The following MTUS1 variants were observed in gnomAD, a reference collection of about 807,000 sequenced individuals.
MTUS1 encodes the protein microtubule-associated tumor suppressor 1.
Under a neutral mutation model 120.8 loss-of-function variants are expected in MTUS1, and 109 were observed. That is an observed-to-expected ratio of 0.90 (90% CI 0.77 to 1.06). The LOEUF is 1.06. MTUS1 is among the 50% of genes least tolerant of loss of function. The pLI, the probability that MTUS1 is intolerant of heterozygous loss-of-function variation, is 0.00. For missense variants in MTUS1, 2,210 were observed against 1,486.3 expected (o/e 1.49, Z -8.01); for synonymous variants, 737 against 550.5 (o/e 1.34, Z -4.74).
chr8:17,675,997 G>A (rs1411786437), intron 7 of MTUS1: 7 of 455,522 alleles, frequency 1.5e-5, no homozygotes, highest in African/African-American at 7.9e-5. Context: ...CACAAATACA[G>A]TAATTACATA....
rs189589938 is a variant in MTUS1, at chr8:17,693,846, C to A, written c.2624-9304G>T. On this transcript the variant is annotated intron_variant, in intron 6 of 14. Coordinates refer to ENST00000693296, the MANE Select transcript of MTUS1 (RefSeq NM_001363059.2). ...GTCCCAGTCATACTTTCAGCACCTA[C>A]CATTATGCCTGGTACACAGTACTCA... 5.4e-3 allele frequency among the ~76,000 whole-genome samples: 826 copies of A among 152,262 alleles called. 14 individuals are homozygous for A. Among genetic ancestry groups the A allele is most frequent in the African/African-American group, 0.019 (771 of 41,546 alleles).
intron 4 of MTUS1, chr8:17,723,429 C>T (rs999808403): frequency 5.6e-6 from 3 of 535,102 alleles, no homozygotes; most frequent in Non-Finnish European, 1.0e-5. Context: ...TCCAAAACAC[C>T]ATCACTTCAG....
chr8:17,716,731 T>C (rs1476601310), intron 4 of MTUS1: 1 of 152,322 alleles, frequency 6.6e-6, no homozygotes, highest in Non-Finnish European at 1.5e-5. Context: ...ATTTTTTCTA[T>C]TTTTAGTGGA....
At chr8:17,750,377 C>T (rs969493946) in intron 2 of MTUS1, among the ~76,000 whole-genome samples, 6 of 152,172 alleles carry the variant, frequency 3.9e-5, no homozygotes, top group African/African-American at 4.8e-5. Context: ...TAAAAAGCAA[C>T]CCAAAAGTTA....
At chr8:17,798,872 T>A (rs1398033099) in intron 1 of MTUS1, among the ~76,000 whole-genome samples, 2 of 152,226 alleles carry the variant, frequency 1.3e-5, no homozygotes, top group African/African-American at 4.8e-5. Context: ...GGAAAAATAC[T>A]AATATCCCAG....
At chr8:17,736,647 C>T (rs758592255) in intron 3 of MTUS1, among the ~76,000 whole-genome samples, 34 of 152,038 alleles carry the variant, frequency 2.2e-4, no homozygotes, top group African/African-American at 6.5e-4. Context: ...TGCAGTGGTG[C>T]GACCTCAGCT....
rs1185494513 is a variant in MTUS1 at position 17,713,374 on chromosome 8, G to A, written c.2585-122C>T. 1.1e-5 allele frequency: 7 copies of A among 636,640 alleles called. No individual in the cohort carries two copies. In the East Asian group the frequency reaches 1.2e-4, roughly 11 times the overall value. 39.4% of individuals were successfully genotyped at this position (636,640 alleles called of 1,614,324 possible). The stretch of plus-strand genomic sequence containing the variant: ...AATCGCTACATTTCAGGTTCCCGGT[G>A]GGAAATATCACCGAGATTCAACCAA... On this transcript the variant is annotated intron_variant, in intron 5 of 14. Coordinates refer to ENST00000693296, the MANE Select transcript of MTUS1 (RefSeq NM_001363059.2).
chr8:17,682,517 C>CAAAAAAA lies in MTUS1; in HGVS notation c.2838+1804_2838+1810dup, dbSNP rs55901871. ...TGAGTGACAGAGCAAGACTCCATCC[C>CAAAAAAA]AAAAAAAAAAAAAAAAAAAAAAGTT... On this transcript the variant is annotated intron_variant, in intron 7 of 14. Coordinates refer to ENST00000693296, the MANE Select transcript of MTUS1 (RefSeq NM_001363059.2). Among the ~76,000 whole-genome samples the CAAAAAAA allele has an allele frequency of 6.1e-5, 7 of 114,970 alleles. 3 individuals are homozygous for CAAAAAAA. 75.4% of individuals were successfully genotyped at this position (114,970 alleles called of 152,430 possible).
intron 3 of MTUS1, among the ~76,000 whole-genome samples, chr8:17,729,674 T>C (rs778689857): frequency 1.8e-4 from 27 of 152,178 alleles, no homozygotes; most frequent in Non-Finnish European, 5.9e-5. Context: ...GCTATTGCAA[T>C]CTGAACCTAC....
chr8:17,787,912 G>A (rs575108963), intron 1 of MTUS1, among the ~76,000 whole-genome samples: 8 of 152,334 alleles, frequency 5.3e-5, no homozygotes, highest in East Asian at 1.9e-4. Context: ...CCTGAGTAAG[G>A]AGTTCAAGAC....
chr8:17,727,884 C>T lies in MTUS1; in HGVS notation c.2288-4051G>A, dbSNP rs190532206. On this transcript the variant is annotated intron_variant, in intron 3 of 14. Transcript: ENST00000693296. Reference sequence around the variant, plus strand: ...TGTAGGGAAAATCTGGAAGGAATAACACCTCCACTTTGCCTTAGATAGTAA... The same window carrying T: ...TGTAGGGAAAATCTGGAAGGAATAATACCTCCACTTTGCCTTAGATAGTAA... Among the ~76,000 whole-genome samples, 73 of 152,262 alleles carry T rather than the reference C, an allele frequency of 4.8e-4. 1 individual carries two copies. Among genetic ancestry groups the T allele is most frequent in the Admixed American group, 2.2e-3 (33 of 15,304 alleles).
chr8:17,748,446 C>A (rs989430548), intron 2 of MTUS1, among the ~76,000 whole-genome samples: 1 of 152,102 alleles, frequency 6.6e-6, no homozygotes, highest in African/African-American at 2.4e-5. Flanking sequence ...TTTGGGTACC[C>A]AAAAAAGGTT....
chr8:17,801,229 G>A (rs529174003), upstream of MTUS1: 3 of 151,738 alleles, frequency 2.0e-5, no homozygotes, highest in East Asian at 2.0e-4. Flanking sequence ...GCGGCTACCA[G>A]GCGGGACCCG....
chr8:17,656,554 C>CA (rs1554460182), intron 8 of MTUS1, among the ~76,000 whole-genome samples: 6 of 131,482 alleles, frequency 4.6e-5, no homozygotes, highest in Non-Finnish European at 8.2e-5. Flanking sequence ...AACCCCCCCC[C>CA]ACCCCACATT....
At chr8:17,712,514 T>A (rs1235833166) in intron 6 of MTUS1, among the ~76,000 whole-genome samples, 4 of 152,090 alleles carry the variant, frequency 2.6e-5, no homozygotes, top group African/African-American at 9.7e-5. Flanking sequence ...CTTTTTTGTA[T>A]TTTTAGTAGA....
chr8:17,646,025 G>C lies in MTUS1; in HGVS notation c.3714C>G (p.Asp1238Glu), dbSNP rs1196332866. Residue 1238 changes from aspartate (D) to glutamate (E), a missense_variant, in exon 15 of 15, where the codon GAC becomes GAG. Coordinates refer to ENST00000693296, the MANE Select transcript of MTUS1 (RefSeq NM_001363059.2). ...TGGGGGATCTCTTGGGGCTACACAG[G>C]TCCCCATTGTGCAGTTTCCACAGAA... ...EELLWKLHNG[D>E]LCSPKRSPTS... is the part of the protein sequence containing the mutation. 2 of 1,613,672 alleles carry C rather than the reference G, an allele frequency of 1.2e-6. No individual in the cohort carries two copies. Among genetic ancestry groups the C allele is most frequent in the South Asian group, 1.1e-5 (1 of 90,998 alleles).
chr8:17,673,051 C>T (rs1812342649), intron 8 of MTUS1, among the ~76,000 whole-genome samples: 1 of 152,184 alleles, frequency 6.6e-6, no homozygotes, highest in Non-Finnish European at 1.5e-5. Context: ...CCTCCACTTC[C>T]ACTGGGTTAT....
intron 1 of MTUS1, among the ~76,000 whole-genome samples, chr8:17,756,843 T>C (rs2048663310): frequency 6.6e-6 from 1 of 152,048 alleles, no homozygotes; most frequent in African/African-American, 2.4e-5. Flanking sequence ...CTCTACCAAA[T>C]TAGGGTACAC....
At chr8:17,687,541 T>C (rs1469400650) in intron 6 of MTUS1, among the ~76,000 whole-genome samples, 1 of 152,242 alleles carries the variant, frequency 6.6e-6, no homozygotes, top group Non-Finnish European at 1.5e-5. Flanking sequence ...GTATAAATTA[T>C]TTTGTTTACT....
Sources: allele counts gnomAD v4.1 joint callset (sites outside exome capture counted in the v4.1 genomes callset), GRCh38; gene constraint gnomAD v4.1.1; transcripts MANE v1.5; gene names NCBI Gene and HGNC (gene_info 2026-07-23, HGNC 2026-07-21).